The following COLEC12 variants were observed in gnomAD, a reference collection of about 807,000 sequenced individuals.
COLEC12 encodes collectin subfamily member 12.
A neutral mutation model predicts 71.1 loss-of-function variants in COLEC12; 33 were observed. The ratio of observed to expected loss-of-function variants is 0.46; its 90% confidence interval spans 0.35 to 0.62. The LOEUF (loss-of-function observed/expected upper bound fraction) is 0.62, where lower values mean the gene tolerates loss of function less well. COLEC12 is among the 20% of genes least tolerant of loss of function. The pLI, the probability that COLEC12 is intolerant of heterozygous loss-of-function variation, is 0.00. For synonymous variants in COLEC12, 350 were observed against 353.0 expected, an observed-to-expected ratio of 0.99 and a Z score of 0.10; for missense variants, 765 against 916.1, an observed-to-expected ratio of 0.84 and a Z score of 2.13.
chr18:418,615 A>T (rs921010161), intron 2 of COLEC12, among the ~76,000 whole-genome samples: 4 of 152,248 alleles, frequency 2.6e-5, no homozygotes, highest in African/African-American at 9.6e-5. Context: ...GTTGCAGTGA[A>T]GGAGCCGGCC....
At chr18:414,676 G>C (rs1402618245) in intron 2 of COLEC12, among the ~76,000 whole-genome samples, 1 of 152,166 alleles carries the variant, frequency 6.6e-6, no homozygotes, top group Non-Finnish European at 1.5e-5. Context: ...GGATAGAAGA[G>C]CCCTTAATTA....
At chr18:351,562 CATTT>C (rs1257614872) in intron 3 of COLEC12, among the ~76,000 whole-genome samples, 2 of 151,934 alleles carry the variant, frequency 1.3e-5, no homozygotes, top group African/African-American at 2.4e-5. Flanking sequence ...TTTATTATGT[CATTT>C]ATTTATTTAA....
At chr18:388,495 T>C (rs1002864984) in intron 2 of COLEC12, among the ~76,000 whole-genome samples, 1 of 152,224 alleles carries the variant, frequency 6.6e-6, no homozygotes, top group African/African-American at 2.4e-5. Context: ...TCTATCAGCC[T>C]CTTTATGAAA....
At chr18:377,678 T>C (rs1005119729) in intron 2 of COLEC12, among the ~76,000 whole-genome samples, 9 of 152,232 alleles carry the variant, frequency 5.9e-5, no homozygotes, top group African/African-American at 2.2e-4. Flanking sequence ...TGGCCATTGC[T>C]GGCAGCTTTG....
chr18:382,337 A>G (rs1169352722), intron 2 of COLEC12, among the ~76,000 whole-genome samples: 1 of 152,242 alleles, frequency 6.6e-6, no homozygotes, highest in Non-Finnish European at 1.5e-5. Flanking sequence ...AGAATCAAGA[A>G]TATAATTAGC....
At chr18:404,878 C>T (rs890610836) in intron 2 of COLEC12, among the ~76,000 whole-genome samples, 11 of 152,112 alleles carry the variant, frequency 7.2e-5, no homozygotes, top group Non-Finnish European at 1.5e-4. Context: ...TGACTGCCTG[C>T]GGGGTTGGGC....
chr18:340,693 T>C (rs1028095726), intron 5 of COLEC12, among the ~76,000 whole-genome samples: 3 of 152,234 alleles, frequency 2.0e-5, no homozygotes, highest in East Asian at 1.9e-4. Context: ...GATTGGAAGA[T>C]AGACAAGGTA....
At chr18:465,229 A>T (rs1917062304) in intron 2 of COLEC12, among the ~76,000 whole-genome samples, 1 of 152,134 alleles carries the variant, frequency 6.6e-6, no homozygotes, top group Admixed American at 6.5e-5. Context: ...CAGCCTCCCG[A>T]GTAGCTGGGA....
Position 498,363 on chromosome 18 carries a change from CT to C in COLEC12, c.7+2144del, listed in dbSNP as rs542727500. 4.9e-3 allele frequency among the ~76,000 whole-genome samples: 488 copies of C among 100,558 alleles called. 2 individuals are homozygous for C. The highest frequency in any genetic ancestry group is 0.017 in the Middle Eastern group (3 of 174). 66.0% of individuals were successfully genotyped at this position (100,558 alleles called of 152,430 possible). On this transcript the variant is annotated intron_variant, in intron 1 of 9. Transcript: ENST00000400256. ...AAAACTCTCATGGAATATTTTTTTT[CT>C]TTTTTTTTTTTTTAGACGGAGTCTC...
chr18:349,690 C>T (rs1914465895), intron 3 of COLEC12, among the ~76,000 whole-genome samples: 1 of 152,236 alleles, frequency 6.6e-6, no homozygotes, highest in South Asian at 2.1e-4. Context: ...TGCAAAGCCA[C>T]AGGGGTGGAG....
At chr18:443,631 G>A (rs1916588198) in intron 2 of COLEC12, among the ~76,000 whole-genome samples, 1 of 152,166 alleles carries the variant, frequency 6.6e-6, no homozygotes, top group Non-Finnish European at 1.5e-5. Flanking sequence ...AGAATCGGAG[G>A]AAATCTACCA....
At chr18:368,876 CAAAACAAAACACA>C in intron 2 of COLEC12, among the ~76,000 whole-genome samples, 1 of 152,220 alleles carries the variant, frequency 6.6e-6, no homozygotes, top group African/African-American at 2.4e-5. Context: ...AAAAACAAAA[CAAAACAAAACACA>C]AAAACAAAAC....
intron 2 of COLEC12, among the ~76,000 whole-genome samples, chr18:443,044 T>C (rs1378281067): frequency 5.9e-5 from 9 of 152,246 alleles, no homozygotes; most frequent in Admixed American, 5.9e-4. Flanking sequence ...GAGTCATCTC[T>C]TTTCACTAAT....
At chr18:335,592 G>T (rs1363079370) in intron 5 of COLEC12, among the ~76,000 whole-genome samples, 1 of 152,170 alleles carries the variant, frequency 6.6e-6, no homozygotes, top group Admixed American at 6.5e-5. Context: ...AAGATCGCTT[G>T]AGGGCACAGG....
intron 1 of COLEC12, among the ~76,000 whole-genome samples, chr18:495,425 C>T (rs1230866978): frequency 2.6e-5 from 4 of 152,184 alleles, no homozygotes; most frequent in South Asian, 4.1e-4. Context: ...TCAATGCAAA[C>T]CTGTTAGCAA....
intron 1 of COLEC12, among the ~76,000 whole-genome samples, chr18:490,773 T>C (rs533365578): frequency 2.7e-4 from 41 of 152,306 alleles, no homozygotes; most frequent in African/African-American, 9.6e-4. Context: ...CTTCAATACT[T>C]GACACAAAGC....
At chr18:453,809 ATGTACCCC>A (rs1029712587) in intron 2 of COLEC12, among the ~76,000 whole-genome samples, 13 of 152,306 alleles carry the variant, frequency 8.5e-5, no homozygotes, top group Non-Finnish European at 1.6e-4. Flanking sequence ...CCTTCAATAA[ATGTACCCC>A]TGTTCAGCAA....
chr18:356,357 G>A (rs942267700), intron 3 of COLEC12, among the ~76,000 whole-genome samples: 4 of 152,138 alleles, frequency 2.6e-5, no homozygotes, highest in African/African-American at 9.7e-5. Flanking sequence ...CCCTGGCACA[G>A]TAGCAAGCAC....
intron 2 of COLEC12, among the ~76,000 whole-genome samples, chr18:432,432 T>A (rs1212758936): frequency 6.6e-6 from 1 of 152,100 alleles, no homozygotes; most frequent in Non-Finnish European, 1.5e-5. Flanking sequence ...CTACAAAACT[T>A]CATTTAGTCT....
Sources: gnomAD v4.1 joint callset for allele counts (sites outside exome capture counted in the v4.1 genomes callset) on GRCh38, gnomAD v4.1.1 for gene constraint, MANE v1.5 for transcripts, NCBI Gene and HGNC (gene_info 2026-07-23, HGNC 2026-07-21) for gene names.